NDST4: variants seen among roughly 807,000 people sequenced by gnomAD.
The protein encoded by NDST4 is N-heparan sulfate sulfotransferase 4.
A neutral mutation model predicts 100.8 loss-of-function variants in NDST4; 63 were observed. The observed-to-expected ratio is 0.62, with a 90% CI of 0.51 to 0.77. The LOEUF (loss-of-function observed/expected upper bound fraction) is 0.77. Among genes scored for constraint, NDST4 ranks in the 30% least tolerant of loss-of-function variants. The pLI, the probability that NDST4 is intolerant of heterozygous loss-of-function variation, is 0.00. For missense variants in NDST4, 943 were observed against 1,018.4 expected, an observed-to-expected ratio of 0.93 and a Z score of 1.01; for synonymous variants, 377 against 361.8, an observed-to-expected ratio of 1.04 and a Z score of -0.48.
chr4:115,092,993 T>G (rs111521176), intron 1 of NDST4, among the ~76,000 whole-genome samples: 2,204 of 152,246 alleles, frequency 0.014, 31 homozygotes, highest in African/African-American at 0.032. Flanking sequence ...GAAAAAGATA[T>G]GCAGAAATTA....
At chr4:115,092,642 A>G (rs948931086) in intron 1 of NDST4, among the ~76,000 whole-genome samples, 2 of 152,158 alleles carry the variant, frequency 1.3e-5, no homozygotes, top group Non-Finnish European at 2.9e-5. Context: ...AGGTCATAGT[A>G]TCAGTTAACT....
At chr4:114,941,589 T>C (rs191751675) in intron 4 of NDST4, among the ~76,000 whole-genome samples, 1 of 152,326 alleles carries the variant, frequency 6.6e-6, no homozygotes, top group Admixed American at 6.5e-5. Context: ...TGGCAGCTCC[T>C]GGCTCCTGTT....
chr4:114,925,695 T>C (rs1436846125), intron 6 of NDST4, among the ~76,000 whole-genome samples: 1 of 145,970 alleles, frequency 6.9e-6, no homozygotes, highest in African/African-American at 2.7e-5. Flanking sequence ...AAGTGGCCAA[T>C]AGAATAGGTG....
chr4:114,940,921 C>A (rs532747150), intron 4 of NDST4, among the ~76,000 whole-genome samples: 15 of 152,152 alleles, frequency 9.9e-5, no homozygotes, highest in Admixed American at 9.2e-4. Flanking sequence ...TGCTCTGCTG[C>A]CCCTCTGCCA....
At chr4:114,962,108 C>G (rs751868002) in intron 4 of NDST4, among the ~76,000 whole-genome samples, 7 of 152,004 alleles carry the variant, frequency 4.6e-5, no homozygotes, top group Non-Finnish European at 1.0e-4. Context: ...ATCCAACATC[C>G]TTCTATGATA....
In NDST4 at chr4:115,102,704, C is replaced by CTTTTTTTTTTTTT. The variant is rs751431042; in HGVS notation, c.-247+10727_-247+10739dup. Among the ~76,000 whole-genome samples, 49 of 90,560 alleles carry CTTTTTTTTTTTTT rather than the reference C, an allele frequency of 5.4e-4. 1 individual carries two copies. Among genetic ancestry groups the CTTTTTTTTTTTTT allele is most frequent in the South Asian group, 7.6e-4 (2 of 2,618 alleles). 59.4% of individuals were successfully genotyped at this position (90,560 alleles called of 152,430 possible). On this transcript the variant is annotated intron_variant, in intron 1 of 13. Transcript: ENST00000264363. ...TTATATACCATATACTTCTGACTTC[C>CTTTTTTTTTTTTT]TTTTTTTTTTTTTTTTTTTTTGACA...
chr4:115,010,521 C>A lies in NDST4; in HGVS notation c.979-33247G>T, dbSNP rs552487950. Among the ~76,000 whole-genome samples, 56 of 127,100 alleles carry A rather than the reference C, an allele frequency of 4.4e-4. 9 individuals are homozygous for A. Among genetic ancestry groups the A allele is most frequent in the African/African-American group, 1.6e-3 (54 of 33,450 alleles). The allele number at this position is 127,100 out of a possible 152,430, so 83.4% of individuals were successfully genotyped here. A position where few individuals can be genotyped will look rare whatever the true frequency, so the allele number is the denominator to read the frequency against. ...TGGACACAGGAAGGGGAACATCACA[C>A]TCTGGGGACTGTTGTGGGGTTGGGG... is the stretch of plus-strand genomic sequence containing the variant. On this transcript the variant is annotated intron_variant, in intron 2 of 13. Transcript: ENST00000264363.
intron 2 of NDST4, among the ~76,000 whole-genome samples, chr4:115,055,677 A>G (rs1364659599): frequency 6.6e-6 from 1 of 152,060 alleles, no homozygotes; most frequent in Non-Finnish European, 1.5e-5. Flanking sequence ...GTTTAATTTG[A>G]GTCTGTATTT....
rs1725647602 is a variant in NDST4, at chr4:114,937,174, C to A, written c.1407+144G>T. On this transcript the variant is annotated intron_variant, in intron 5 of 13. Transcript: ENST00000264363. ...CACCAAAAGATGGGTTAATGCATAA[C>A]CAGTCACCATTGAGATATGTTAGGT... is the stretch of plus-strand genomic sequence containing the variant. 6 of 861,966 alleles carry A rather than the reference C, an allele frequency of 7.0e-6. No homozygotes were observed. The South Asian group carries it at 1.0e-4, about 15-fold the overall frequency. 53.4% of individuals were successfully genotyped at this position (861,966 alleles called of 1,614,324 possible). A position where few individuals can be genotyped will look rare whatever the true frequency, so the allele number is the denominator to read the frequency against.
At chr4:114,839,279 G>A in intron 11 of NDST4, 99 bp downstream of exon 11, 1 of 1,158,486 alleles carries the variant, frequency 8.6e-7, no homozygotes, top group African/African-American at 1.6e-5. Context: ...ATACAATCAT[G>A]ATAAGCAGAA....
intron 2 of NDST4, among the ~76,000 whole-genome samples, chr4:114,985,504 A>C (rs1681672332): frequency 6.6e-6 from 1 of 152,194 alleles, no homozygotes; most frequent in Non-Finnish European, 1.5e-5. Context: ...TTATTTATTT[A>C]AATCTTCCAG....
intron 1 of NDST4, among the ~76,000 whole-genome samples, chr4:115,078,350 C>A (rs1253557023): frequency 3.3e-5 from 5 of 152,074 alleles, no homozygotes; most frequent in Non-Finnish European, 7.4e-5. Context: ...ATGTTTGGAA[C>A]TTCCTAGAGA....
chr4:114,999,033 G>A (rs1393945383), intron 2 of NDST4, among the ~76,000 whole-genome samples: 1 of 152,048 alleles, frequency 6.6e-6, no homozygotes, highest in Non-Finnish European at 1.5e-5. Flanking sequence ...GGTCTATTTT[G>A]TTTGCTGTTA....
intron 2 of NDST4, among the ~76,000 whole-genome samples, chr4:115,012,975 C>T (rs1727587260): frequency 6.7e-6 from 1 of 150,138 alleles, no homozygotes; most frequent in Non-Finnish European, 1.5e-5. Context: ...TTCGCATGTT[C>T]TCATTTATTT....
intron 2 of NDST4, among the ~76,000 whole-genome samples, chr4:115,040,050 A>C (rs1179111094): frequency 1.3e-5 from 2 of 151,952 alleles, no homozygotes; most frequent in Admixed American, 6.6e-5. Flanking sequence ...TGAATAAATA[A>C]ATTTTGATTT....
At position 114,912,892 on chromosome 4, in the gene NDST4, C is replaced by T. The variant is rs192843653; in HGVS notation, c.1536+22314G>A. Among the ~76,000 whole-genome samples, 314 of 151,882 alleles carry T rather than the reference C, an allele frequency of 2.1e-3. 2 individuals carry two copies. The highest frequency in any genetic ancestry group is 7.3e-3 in the African/African-American group (303 of 41,446). ...GGATAGGTGAAAATGTTTATGTATC[C>T]AGACCATTTAAAAGTGATATATTTT... is the stretch of plus-strand genomic sequence containing the variant. On this transcript the variant is annotated intron_variant, in intron 6 of 13. Coordinates refer to ENST00000264363, the MANE Select transcript of NDST4 (RefSeq NM_022569.3).
At chr4:115,065,251 C>T (rs1387926176) in intron 2 of NDST4, among the ~76,000 whole-genome samples, 1 of 151,976 alleles carries the variant, frequency 6.6e-6, no homozygotes, top group Non-Finnish European at 1.5e-5. Context: ...CTTTAATGCT[C>T]ACCAAAATAT....
intron 6 of NDST4, among the ~76,000 whole-genome samples, chr4:114,914,729 T>C (rs1484474843): frequency 1.3e-5 from 2 of 152,184 alleles, no homozygotes; most frequent in Non-Finnish European, 2.9e-5. Flanking sequence ...CAAGTTTTGT[T>C]TTTGCTTATG....
chr4:114,909,719 C>T (rs1208136779), intron 6 of NDST4, among the ~76,000 whole-genome samples: 1 of 146,972 alleles, frequency 6.8e-6, no homozygotes, highest in East Asian at 1.9e-4. Context: ...TAGATTAATT[C>T]AATGGCCATT....
Sources: gnomAD v4.1 joint callset for allele counts (sites outside exome capture counted in the v4.1 genomes callset) on GRCh38, gnomAD v4.1.1 for gene constraint, MANE v1.5 for transcripts, NCBI Gene and HGNC (gene_info 2026-07-23, HGNC 2026-07-21) for gene names.